SHC4: variants seen among roughly 807,000 people sequenced by gnomAD.
SHC4 encodes SHC-transforming protein 4.
SHC4 carries 41 observed loss-of-function variants against 69.4 expected under a neutral mutation model. The observed-to-expected ratio is 0.59, with a 90% CI of 0.46 to 0.77. SHC4 has a LOEUF of 0.77. Among genes scored for constraint, SHC4 ranks in the 30% least tolerant of loss-of-function variants. The pLI, the probability that SHC4 is intolerant of heterozygous loss-of-function variation, is 0.00. For missense variants in SHC4, 777 were observed against 783.8 expected, an observed-to-expected ratio of 0.99 and a Z score of 0.10; for synonymous variants, 318 against 299.3, an observed-to-expected ratio of 1.06 and a Z score of -0.64.
chr15:48,885,146 A>G (rs1339178571), intron 3 of SHC4, among the ~76,000 whole-genome samples: 3 of 152,228 alleles, frequency 2.0e-5, no homozygotes, highest in East Asian at 1.9e-4. Flanking sequence ...GTGAAGAATC[A>G]TGAGAGCAGG....
intron 10 of SHC4, among the ~76,000 whole-genome samples, chr15:48,835,374 T>C (rs1037856833): frequency 6.6e-6 from 1 of 152,242 alleles, no homozygotes; most frequent in Non-Finnish European, 1.5e-5. Flanking sequence ...AAAAGGCTTA[T>C]GCTGTACCTG....
intron 1 of SHC4, among the ~76,000 whole-genome samples, chr15:48,926,525 C>T (rs975006888): frequency 1.6e-4 from 25 of 151,754 alleles, no homozygotes; most frequent in African/African-American, 6.0e-4. Flanking sequence ...TGCAGTGGCA[C>T]GATCTTGGCT....
intron 5 of SHC4, among the ~76,000 whole-genome samples, chr15:48,868,283 C>T (rs1276082460): frequency 6.6e-6 from 1 of 152,132 alleles, no homozygotes; most frequent in African/African-American, 2.4e-5. Context: ...GTTGTCCAAA[C>T]ATATACCACA....
In SHC4 at chr15:48,855,995, T is replaced by G. The variant is rs16961728; in HGVS notation, c.1200A>C (p.Gln400His). 37,822 of 1,613,808 alleles carry G rather than the reference T, an allele frequency of 0.023. 670 individuals carry two copies. The highest frequency in any genetic ancestry group is 0.08 in the East Asian group (3,572 of 44,882). ...CACACTGTATGGGGCAGTAAGCCAT[T>G]TGTTCCGTGGCTTGAACTTTGATCC... ...DMRIKVQATE[Q>H]MAYCPIQCEK... The change falls in exon 8 of 12, where the codon CAA becomes CAC. Residue 400 changes from glutamine to histidine, a missense_variant. Gln to His is a conservative substitution (Grantham distance 24). Transcript: ENST00000332408.
intron 6 of SHC4, among the ~76,000 whole-genome samples, chr15:48,861,411 A>G (rs1235417027): frequency 6.6e-6 from 1 of 152,210 alleles, no homozygotes; most frequent in Non-Finnish European, 1.5e-5. Flanking sequence ...TCACAGTTCC[A>G]TTGTTGCCTC....
At chr15:48,954,064 G>T (rs934636908) in intron 1 of SHC4, among the ~76,000 whole-genome samples, 12 of 152,064 alleles carry the variant, frequency 7.9e-5, no homozygotes, top group Admixed American at 5.9e-4. Context: ...CTACATCCCG[G>T]GTTCATACAC....
intron 2 of SHC4, among the ~76,000 whole-genome samples, chr15:48,922,093 C>T (rs760803354): frequency 2.6e-5 from 4 of 152,188 alleles, no homozygotes; most frequent in Admixed American, 1.3e-4. Flanking sequence ...AAACCCGCCA[C>T]CTAAATCTCT....
chr15:48,958,138 T>C (rs1002708554), intron 1 of SHC4, among the ~76,000 whole-genome samples: 5 of 152,244 alleles, frequency 3.3e-5, no homozygotes, highest in Non-Finnish European at 7.3e-5. Context: ...AGGAAACTAA[T>C]GCGATCTGGG....
chr15:48,824,349 G>C lies in SHC4; in HGVS notation c.*1622C>G, dbSNP rs1001982811. On this transcript the variant is annotated 3_prime_UTR_variant, in exon 12 of 12. Transcript: ENST00000332408. ...TTAGCAAATATATCACAATCACAAA[G>C]ACTAAGTTGTATCTACATAGCCAAA... 5.9e-5 allele frequency: 9 copies of C among 151,320 alleles called. No individual in the cohort carries two copies. Among genetic ancestry groups the C allele is most frequent in the African/African-American group, 1.7e-4 (7 of 41,184 alleles). The allele number at this position is 151,320 out of a possible 1,614,324, so 9.4% of individuals were successfully genotyped here.
chr15:48,851,080 G>T, intron 9 of SHC4, 108 bp downstream of exon 9: 1 of 1,001,874 alleles, frequency 1.0e-6, no homozygotes, highest in Admixed American at 2.3e-5. Context: ...GTGTTTAGTG[G>T]TAGATACCTG....
intron 1 of SHC4, among the ~76,000 whole-genome samples, chr15:48,952,740 G>A (rs940312672): frequency 2.0e-5 from 3 of 152,186 alleles, no homozygotes; most frequent in African/African-American, 7.2e-5. Context: ...ACACCAGTCA[G>A]AATGGTTATT....
At chr15:48,943,463 A>G (rs549800732) in intron 1 of SHC4, among the ~76,000 whole-genome samples, 1 of 152,146 alleles carries the variant, frequency 6.6e-6, no homozygotes, top group African/African-American at 2.4e-5. Flanking sequence ...ATAATATTTC[A>G]TTGTATATAT....
chr15:48,918,576 T>C (rs887594541), intron 2 of SHC4, among the ~76,000 whole-genome samples: 7 of 119,818 alleles, frequency 5.8e-5, no homozygotes, highest in Non-Finnish European at 1.2e-4. Flanking sequence ...ATTTTTTCTT[T>C]AAATTTTTTT....
At chr15:48,948,736 T>G (rs1288908803) in intron 1 of SHC4, among the ~76,000 whole-genome samples, 1 of 152,082 alleles carries the variant, frequency 6.6e-6, no homozygotes. Flanking sequence ...CAAGGCCCAG[T>G]CTCTACAGAA....
At chr15:48,868,490 C>T (rs1250854781) in intron 5 of SHC4, among the ~76,000 whole-genome samples, 2 of 152,174 alleles carry the variant, frequency 1.3e-5, no homozygotes, top group Non-Finnish European at 2.9e-5. Flanking sequence ...AAGAGATGCA[C>T]TGCTGACTTC....
At chr15:48,867,672 C>G (rs1467232680) in intron 6 of SHC4, 146 bp downstream of exon 6, 1 of 601,972 alleles carries the variant, frequency 1.7e-6, no homozygotes, top group African/African-American at 1.9e-5. Flanking sequence ...CAATTTATTT[C>G]CAACTCAAAT....
At chr15:48,872,165 C>A in intron 4 of SHC4, 23 bp from the exon 5 acceptor site, 2 of 1,333,992 alleles carry the variant, frequency 1.5e-6, no homozygotes, top group Non-Finnish European at 2.1e-6. Context: ...AACATGTATA[C>A]TAATATAAAT....
At chr15:48,942,230 T>A (rs1466687319) in intron 1 of SHC4, among the ~76,000 whole-genome samples, 1 of 152,140 alleles carries the variant, frequency 6.6e-6, no homozygotes, top group East Asian at 1.9e-4. Flanking sequence ...GACGACACTA[T>A]TTGTCCCAAC....
intron 8 of SHC4, among the ~76,000 whole-genome samples, chr15:48,851,712 T>A (rs915664070): frequency 6.6e-6 from 1 of 152,186 alleles, no homozygotes; most frequent in African/African-American, 2.4e-5. Context: ...ACTTCGATCA[T>A]CCCTGTACAT....
Sources: gnomAD v4.1 joint callset for allele counts (sites outside exome capture counted in the v4.1 genomes callset) on GRCh38, gnomAD v4.1.1 for gene constraint, MANE v1.5 for transcripts, NCBI Gene and HGNC (gene_info 2026-07-23, HGNC 2026-07-21) for gene names.